Variants in NRK observed in about 807,000 individuals in gnomAD.
NRK encodes nik-related protein kinase.
A neutral mutation model predicts 125.2 loss-of-function variants in NRK; 67 were observed. The observed-to-expected ratio is 0.54, with a 90% CI of 0.44 to 0.66. NRK has a LOEUF of 0.66. NRK is among the 30% of genes least tolerant of loss of function. The probability of loss-of-function intolerance (pLI) is 0.00; values close to 1 mark genes in which losing one functional copy is unlikely to be tolerated. For synonymous variants in NRK, 458 were observed against 429.0 expected (o/e 1.07, Z -0.84); for missense variants, 1,224 against 1,192.9 (o/e 1.03, Z -0.38).
Position 105,946,453 on chromosome X carries a change from C to A in NRK, c.4342C>A (p.Leu1448Met). ...AESEVMSDVTLPKNPLEIIIP... is the reference protein window; with the variant it reads ...AESEVMSDVTMPKNPLEIIIP... ...ATCTGAGGTTATGTCTGATGTGACCCTGCCAAAGAATGTAAGATAACACCT... is the reference window on the plus strand; with the variant it reads ...ATCTGAGGTTATGTCTGATGTGACCATGCCAAAGAATGTAAGATAACACCT... Residue 1448 changes from leucine to methionine, a missense_variant, in exon 26 of 29, where the codon CTG (leucine) becomes ATG (methionine). Transcript: ENST00000243300. The A allele has an allele frequency of 8.4e-7, 1 of 1,184,644 alleles. No individual in the cohort carries two copies. Among genetic ancestry groups the A allele is most frequent in the Non-Finnish European group, 1.1e-6 (1 of 876,375 alleles).
chrX:105,824,103 G>A (rs1180683830), intron 1 of NRK, among the ~76,000 whole-genome samples: 1 of 111,736 alleles, frequency 8.9e-6, no homozygotes, highest in East Asian at 2.8e-4. Context: ...GAGGTAAGGT[G>A]GTACACATGG....
intron 1 of NRK, among the ~76,000 whole-genome samples, chrX:105,825,411 T>G (rs2039079247): frequency 8.9e-6 from 1 of 111,978 alleles, no homozygotes; most frequent in South Asian, 3.7e-4. Context: ...ATTCAAACAT[T>G]GGAGTTGCAA....
Position 105,888,404 on chromosome X carries a change from G to A in NRK, c.363G>A (p.Gln121=), listed in dbSNP as rs770448915. Residue 121 remains glutamine (Q), a synonymous_variant, in exon 5 of 29, where the codon CAG becomes CAA. Transcript: ENST00000243300. ...TTTTCAAGCTGAGTCCCCCTGGTCAGCGGCACCAACTTTGGGTATGTTTTT... is the reference window on the plus strand; with the variant it reads ...TTTTCAAGCTGAGTCCCCCTGGTCAACGGCACCAACTTTGGGTATGTTTTT... ...GAFFKLSPPG[Q]RHQLWMVMEL... is the part of the protein sequence containing the mutation. The A allele has an allele frequency of 8.4e-6, 10 of 1,193,942 alleles. No individual in the cohort carries two copies. In the South Asian group the frequency reaches 1.5e-4, roughly 18 times the overall value.
At chrX:105,825,391 A>G (rs2039078887) in intron 1 of NRK, among the ~76,000 whole-genome samples, 1 of 112,247 alleles carries the variant, frequency 8.9e-6, no homozygotes. Flanking sequence ...CAGCCAGACA[A>G]TGAGGGAAGA....
At chrX:105,887,814 G>A (rs1048554854) in intron 4 of NRK, among the ~76,000 whole-genome samples, 1 of 111,845 alleles carries the variant, frequency 8.9e-6, no homozygotes, top group African/African-American at 3.2e-5. Flanking sequence ...GCAGAATTGG[G>A]GGATGATAAC....
At chrX:105,876,007 A>G (rs2147701179) in intron 2 of NRK, among the ~76,000 whole-genome samples, 1 of 111,247 alleles carries the variant, frequency 9.0e-6, no homozygotes, top group Admixed American at 9.6e-5. Context: ...GTTAAGTAAG[A>G]TAAGACAGAC....
chrX:105,924,939 G>C lies in NRK; in HGVS notation c.3220G>C (p.Ala1074Pro). Reference sequence around the variant, plus strand: ...CGTTCGAACCAGTGAAGAGAGTGGAGCCCTTGGACTCAATGGAGAAGAAAA... The same window carrying C: ...CGTTCGAACCAGTGAAGAGAGTGGACCCCTTGGACTCAATGGAGAAGAAAA... ...GVVRTSEESG[A>P]LGLNGEENCS... The change falls in exon 19 of 29, where the codon GCC becomes CCC. Residue 1074 changes from alanine to proline, a missense_variant. Coordinates refer to ENST00000243300, the MANE Select transcript of NRK (RefSeq NM_198465.4). 8.3e-7 allele frequency: 1 copy of C among 1,210,666 alleles called. No individual in the cohort carries two copies.
chrX:105,839,552 A>C (rs1182474116), intron 2 of NRK, among the ~76,000 whole-genome samples: 4 of 111,824 alleles, frequency 3.6e-5, no homozygotes, highest in Non-Finnish European at 7.5e-5. Flanking sequence ...AGGAACCCTC[A>C]AGCTGCTCTA....
In NRK at chrX:105,934,420, G is replaced by A; in HGVS notation, c.3475G>A (p.Asp1159Asn). The A allele has an allele frequency of 1.7e-6, 2 of 1,198,285 alleles. No homozygotes were observed. The highest frequency in any genetic ancestry group is 2.3e-6 in the Non-Finnish European group (2 of 886,224). Residue 1159 changes from aspartate (D) to asparagine (N), a missense_variant, in exon 20 of 29, where the codon GAT becomes AAT. Coordinates refer to ENST00000243300, the MANE Select transcript of NRK (RefSeq NM_198465.4). ...TTCCAAAGGTTCTGGGATGTCTGCT[G>A]ATGCTAACTTTGCCAGTGCCATCTG... Reference protein sequence around the residue: ...SPSKGSGMSADANFASAILYA... With the variant: ...SPSKGSGMSANANFASAILYA...
At position 105,957,643 on chromosome X, in the gene NRK, A is replaced by G. The variant is rs209109; in HGVS notation, c.*2043A>G. The G allele has an allele frequency of 0.35, 38,724 of 110,614 alleles. 6,746 individuals are homozygous for G. Among genetic ancestry groups the G allele is most frequent in the African/African-American group, 0.69 (20,866 of 30,245 alleles). The allele number at this position is 110,614 out of a possible 1,213,427, so 9.1% of individuals were successfully genotyped here. A position where few individuals can be genotyped will look rare whatever the true frequency, so the allele number is the denominator to read the frequency against. Reference sequence around the variant, plus strand: ...GCAAAAGTGACCTGAATCTACAATGATGTCCCAAAGTAACCAAGTAAGAGA... The same window carrying G: ...GCAAAAGTGACCTGAATCTACAATGGTGTCCCAAAGTAACCAAGTAAGAGA... On this transcript the variant is annotated 3_prime_UTR_variant, in exon 29 of 29. Transcript: ENST00000243300.
chrX:105,861,071 C>T (rs929821545), intron 2 of NRK, among the ~76,000 whole-genome samples: 1 of 111,452 alleles, frequency 9.0e-6, no homozygotes, highest in African/African-American at 3.3e-5. Flanking sequence ...TCCACCATTA[C>T]TACAGCATTT....
intron 19 of NRK, among the ~76,000 whole-genome samples, chrX:105,927,428 C>T (rs975006847): frequency 6.3e-5 from 7 of 111,482 alleles, no homozygotes; most frequent in African/African-American, 2.3e-4. Flanking sequence ...TGCAAACAGA[C>T]ACTCTTTGAC....
chrX:105,920,212 G>A (rs1395662179), intron 16 of NRK, among the ~76,000 whole-genome samples: 22 of 104,148 alleles, frequency 2.1e-4, no homozygotes, highest in East Asian at 1.2e-3. Flanking sequence ...GTAGACATGC[G>A]GCGTTATTTC....
intron 27 of NRK, among the ~76,000 whole-genome samples, chrX:105,950,522 G>A (rs1268600311): frequency 2.3e-5 from 2 of 85,544 alleles, no homozygotes; most frequent in East Asian, 7.7e-4. Context: ...AAGGAAAAAG[G>A]CAGCAGTGTG....
intron 2 of NRK, among the ~76,000 whole-genome samples, chrX:105,855,334 A>G (rs1294417894): frequency 8.9e-6 from 1 of 112,260 alleles, no homozygotes; most frequent in Non-Finnish European, 1.9e-5. Context: ...ATTGAACTAG[A>G]AGAGCATAAA....
At position 105,938,542 on chromosome X, in the gene NRK, G is replaced by C. The variant is rs777991471; in HGVS notation, c.3799+960G>C. ...TAATATTTATTTTTTGAAAACATCT[G>C]GGTGGCTTATAGACTACATATCTGT... is the stretch of plus-strand genomic sequence containing the variant. On this transcript the variant is annotated intron_variant, in intron 22 of 28. Coordinates refer to ENST00000243300, the MANE Select transcript of NRK (RefSeq NM_198465.4). Among the ~76,000 whole-genome samples the C allele has an allele frequency of 5.4e-5, 6 of 111,277 alleles. No individual in the cohort carries two copies. In the Admixed American group the frequency reaches 5.7e-4, roughly 11 times the overall value.
chrX:105,935,766 G>A (rs781341121), intron 21 of NRK, among the ~76,000 whole-genome samples: 5 of 106,055 alleles, frequency 4.7e-5, no homozygotes, highest in East Asian at 5.8e-4. Context: ...ACTTCAGCCC[G>A]GGCGACAGTG....
At chrX:105,836,599 G>T (rs1324488041) in intron 2 of NRK, among the ~76,000 whole-genome samples, 1 of 111,887 alleles carries the variant, frequency 8.9e-6, no homozygotes, top group South Asian at 3.7e-4. Context: ...ACTTAAAAAT[G>T]TTTATCCTCT....
intron 26 of NRK, 132 bp downstream of exon 26, chrX:105,946,596 G>A (rs1038696254): frequency 2.2e-6 from 1 of 448,398 alleles, no homozygotes; most frequent in Non-Finnish European, 3.7e-6. Context: ...TAAAAGGTAA[G>A]TATAGAGTGC....
Sources: allele counts gnomAD v4.1 joint callset (sites outside exome capture counted in the v4.1 genomes callset), GRCh38; gene constraint gnomAD v4.1.1; transcripts MANE v1.5; gene names NCBI Gene and HGNC (gene_info 2026-07-23, HGNC 2026-07-21).